The following CLYBL variants were observed in gnomAD, a reference collection of about 807,000 sequenced individuals.
CLYBL encodes the protein citramalyl-CoA lyase, mitochondrial.
CLYBL carries 31 observed loss-of-function variants against 38.9 expected under a neutral mutation model. The ratio of observed to expected loss-of-function variants is 0.80; its 90% CI spans 0.60 to 1.08. CLYBL has a LOEUF of 1.08. CLYBL is among the 50% of genes least tolerant of loss of function. CLYBL has a pLI of 0.00. For synonymous variants in CLYBL, 171 were observed against 158.6 expected (o/e 1.08, Z -0.59); for missense variants, 434 against 411.6 (o/e 1.05, Z -0.47).
At chr13:99,633,712 A>T (rs2046981511) in intron 1 of CLYBL, among the ~76,000 whole-genome samples, 1 of 152,156 alleles carries the variant, frequency 6.6e-6, no homozygotes, top group Non-Finnish European at 1.5e-5. Flanking sequence ...TTTAAACTTT[A>T]AAATGGTGAA....
intron 1 of CLYBL, among the ~76,000 whole-genome samples, chr13:99,688,434 T>A (rs1180511434): frequency 6.6e-6 from 1 of 152,238 alleles, no homozygotes; most frequent in Non-Finnish European, 1.5e-5. Context: ...TAAGATTGCC[T>A]TAAATGTATT....
At chr13:99,773,479 G>C (rs963186888) in intron 2 of CLYBL, among the ~76,000 whole-genome samples, 6 of 152,162 alleles carry the variant, frequency 3.9e-5, no homozygotes, top group African/African-American at 1.4e-4. Flanking sequence ...TTCTCAAGGA[G>C]CACGACCCTG....
intron 1 of CLYBL, among the ~76,000 whole-genome samples, chr13:99,644,289 A>G (rs2047144393): frequency 6.6e-6 from 1 of 151,660 alleles, no homozygotes; most frequent in African/African-American, 2.4e-5. Context: ...TGCATGTGCA[A>G]GCTCTCACTA....
intron 1 of CLYBL, among the ~76,000 whole-genome samples, chr13:99,639,898 A>C (rs891003027): frequency 6.6e-6 from 1 of 152,204 alleles, no homozygotes; most frequent in African/African-American, 2.4e-5. Flanking sequence ...CATTATCTTA[A>C]AGAAAAATTG....
In CLYBL at chr13:99,878,986, G is replaced by A. The variant is rs374756840; in HGVS notation, c.927+7924G>A. On this transcript the variant is annotated intron_variant, in intron 7 of 8. Coordinates refer to ENST00000339105, the MANE Select transcript of CLYBL (RefSeq NM_206808.5). The stretch of plus-strand genomic sequence containing the variant: ...TAAAGTAAGCATGGCTCTGGTCCGT[G>A]GAGACCCAGACCTGGGCAAGTAGAT... Among the ~76,000 whole-genome samples, 14 of 152,280 alleles carry A rather than the reference G, an allele frequency of 9.2e-5. No homozygotes were observed. The East Asian group carries it at 1.9e-3, about 21-fold the overall frequency.
chr13:99,655,237 G>A (rs2047313566), intron 1 of CLYBL, among the ~76,000 whole-genome samples: 2 of 151,800 alleles, frequency 1.3e-5, no homozygotes, highest in African/African-American at 4.8e-5. Flanking sequence ...CATCATGCCC[G>A]GCTAATTTTT....
downstream of CLYBL, among the ~76,000 whole-genome samples, chr13:99,901,349 G>A (rs995448011): frequency 1.3e-5 from 2 of 152,066 alleles, no homozygotes; most frequent in African/African-American, 4.8e-5. Flanking sequence ...ACAACAACAC[G>A]GGCAAACTAT....
At chr13:99,864,792 CTTAG>C in intron 4 of CLYBL, 22 bp from the exon 5 acceptor site, 1 of 1,543,546 alleles carries the variant, frequency 6.5e-7, no homozygotes, top group African/African-American at 1.4e-5. Flanking sequence ...TTCCGTGAGA[CTTAG>C]TTCTGTTCTG....
chr13:99,827,269 C>T (rs1281903644), intron 2 of CLYBL, among the ~76,000 whole-genome samples: 2 of 152,168 alleles, frequency 1.3e-5, no homozygotes, highest in East Asian at 3.9e-4. Context: ...ATTCCCCTCT[C>T]TAATTCCCAG....
Position 99,606,703 on chromosome 13 carries a change from T to A in CLYBL, c.8T>A (p.Leu3Gln). The change falls in exon 1 of 9, where the codon CTA becomes CAA. Residue 3 changes from leucine to glutamine, a missense_variant. Physicochemically the swap from Leu to Gln is moderately radical, Grantham distance 113. Transcript: ENST00000339105. Reference protein sequence around the residue: MALRLLRRAARGA... With the variant: MAQRLLRRAARGA... ...GGCGCGCGCGTCGGGAAGATGGCGC[T>A]ACGTCTGCTGCGGAGGGCGGCGCGC... The A allele has an allele frequency of 6.7e-7, 1 of 1,491,624 alleles. No individual in the cohort carries two copies. Among genetic ancestry groups the A allele is most frequent in the South Asian group, 1.3e-5 (1 of 78,650 alleles). The allele number at this position is 1,491,624 out of a possible 1,614,324, so 92.4% of individuals were successfully genotyped here.
At chr13:99,786,480 G>C (rs950680817) in intron 2 of CLYBL, among the ~76,000 whole-genome samples, 13 of 151,954 alleles carry the variant, frequency 8.6e-5, no homozygotes, top group Admixed American at 5.2e-4. Context: ...TCTTGTGATA[G>C]TTTGCTAAGA....
At chr13:99,739,158 AT>A (rs2048711111) in intron 1 of CLYBL, among the ~76,000 whole-genome samples, 1 of 152,226 alleles carries the variant, frequency 6.6e-6, no homozygotes, top group Admixed American at 6.5e-5. Flanking sequence ...ATGGTGTTTT[AT>A]AAATGGTTTT....
At chr13:99,703,244 A>T (rs1180696936) in intron 1 of CLYBL, among the ~76,000 whole-genome samples, 1 of 152,220 alleles carries the variant, frequency 6.6e-6, no homozygotes, top group Admixed American at 6.5e-5. Flanking sequence ...AGTTGGGGCC[A>T]CCATCTCCAT....
At chr13:99,701,658 CTTAT>C (rs145880554) in intron 1 of CLYBL, among the ~76,000 whole-genome samples, 4 of 151,738 alleles carry the variant, frequency 2.6e-5, no homozygotes, top group Admixed American at 6.6e-5. Context: ...AGTATCACTT[CTTAT>C]TTATTTATTT....
intron 2 of CLYBL, among the ~76,000 whole-genome samples, chr13:99,847,657 C>T (rs746589359): frequency 1.1e-4 from 17 of 152,202 alleles, no homozygotes; most frequent in Non-Finnish European, 2.1e-4. Flanking sequence ...AGGAGCCCAC[C>T]TGAGAAACCC....
intron 2 of CLYBL, among the ~76,000 whole-genome samples, chr13:99,856,998 C>G (rs997343475): frequency 6.6e-6 from 1 of 151,962 alleles, no homozygotes; most frequent in Non-Finnish European, 1.5e-5. Context: ...ACTGAGCCAA[C>G]TTCTGCTCTT....
chr13:99,791,066 T>C (rs2761153), intron 2 of CLYBL, among the ~76,000 whole-genome samples: 125,755 of 152,132 alleles, frequency 0.83, 52,654 homozygotes, highest in African/African-American at 0.95. Context: ...TTTTTGGGAA[T>C]CTAAGTTAAT....
intron 7 of CLYBL, among the ~76,000 whole-genome samples, chr13:99,883,677 AC>A (rs2052275190): frequency 1.3e-5 from 2 of 152,042 alleles, no homozygotes; most frequent in African/African-American, 4.8e-5. Context: ...CTCCTACCAC[AC>A]CCCTTAGTTT....
chr13:99,616,912 T>C (rs1216831726), intron 1 of CLYBL, among the ~76,000 whole-genome samples: 3 of 152,004 alleles, frequency 2.0e-5, no homozygotes, highest in African/African-American at 7.3e-5. Context: ...GCCAAGATCA[T>C]GCCACTGCAC....
Sources: gnomAD v4.1 joint callset for allele counts (sites outside exome capture counted in the v4.1 genomes callset) on GRCh38, gnomAD v4.1.1 for gene constraint, MANE v1.5 for transcripts, NCBI Gene and HGNC (gene_info 2026-07-23, HGNC 2026-07-21) for gene names.